Variants in MTMR1 observed in about 807,000 individuals in gnomAD.
MTMR1 encodes myotubularin related protein 1, also known as phosphatidylinositol-3-phosphate phosphatase MTMR1.
Under a neutral mutation model 51.6 loss-of-function variants are expected in MTMR1, and 17 were observed. The ratio of observed to expected loss-of-function variants is 0.33; its 90% confidence interval spans 0.23 to 0.49. The LOEUF (loss-of-function observed/expected upper bound fraction) is 0.49, where lower values mean the gene tolerates loss of function less well. MTMR1 is among the 20% of genes least tolerant of loss of function. The pLI is 0.99. For synonymous variants in MTMR1, 201 were observed against 205.6 expected (o/e 0.98, Z 0.19); for missense variants, 386 against 526.9 (o/e 0.73, Z 2.62).
At chrX:150,720,486 T>C (rs1273283568) in intron 4 of MTMR1, among the ~76,000 whole-genome samples, 3 of 112,419 alleles carry the variant, frequency 2.7e-5, no homozygotes, top group Admixed American at 9.4e-5. Context: ...CTGGATAGAA[T>C]TCCATTATAT....
At chrX:150,729,950 C>T (rs1456893356) in intron 6 of MTMR1, among the ~76,000 whole-genome samples, 159 bp from the exon 7 acceptor site, 1 of 110,630 alleles carries the variant, frequency 9.0e-6, no homozygotes, top group African/African-American at 3.3e-5. Context: ...ACCAGGGAGG[C>T]GGAGGTTGCA....
chrX:150,716,907 G>A (rs2041537497), intron 3 of MTMR1, among the ~76,000 whole-genome samples: 1 of 112,172 alleles, frequency 8.9e-6, no homozygotes, highest in African/African-American at 3.2e-5. Context: ...TGCTGAAAGC[G>A]TAGTATTATT....
intron 11 of MTMR1, 107 bp from the exon 12 acceptor site, chrX:150,737,135 G>A: frequency 1.4e-6 from 1 of 719,070 alleles, no homozygotes; most frequent in East Asian, 3.4e-5. Context: ...TTCTTGCTTG[G>A]TTTATTGACC....
chrX:150,733,562 G>A (rs1309439316), intron 10 of MTMR1, among the ~76,000 whole-genome samples: 1 of 110,392 alleles, frequency 9.1e-6, no homozygotes, highest in Non-Finnish European at 1.9e-5. Context: ...TGAGAGGCAC[G>A]ATGGCAAGTT....
intron 2 of MTMR1, among the ~76,000 whole-genome samples, chrX:150,701,638 C>T (rs1213944547): frequency 8.9e-6 from 1 of 111,776 alleles, no homozygotes; most frequent in African/African-American, 3.3e-5. Flanking sequence ...CTAACACATA[C>T]AGGCTCTGGG....
At chrX:150,738,149 C>T (rs1480693667) in intron 12 of MTMR1, among the ~76,000 whole-genome samples, 1 of 112,191 alleles carries the variant, frequency 8.9e-6, no homozygotes, top group Non-Finnish European at 1.9e-5. Flanking sequence ...CTCACTTCCC[C>T]CAGCCCCTGA....
At chrX:150,713,916 T>TACAC (rs55969414) in intron 3 of MTMR1, among the ~76,000 whole-genome samples, 2,036 of 104,185 alleles carry the variant, frequency 0.02, 41 homozygotes, top group African/African-American at 0.063. Context: ...TATGTGTGTA[T>TACAC]ACACACACAC....
chrX:150,746,782 C>CT (rs1322554463), intron 13 of MTMR1, among the ~76,000 whole-genome samples: 2 of 112,299 alleles, frequency 1.8e-5, no homozygotes, highest in African/African-American at 6.5e-5. Context: ...TCTCACAGCT[C>CT]TAAGATTCTG....
intron 4 of MTMR1, among the ~76,000 whole-genome samples, chrX:150,726,637 C>T (rs1395654141): frequency 8.9e-6 from 1 of 112,133 alleles, no homozygotes; most frequent in Non-Finnish European, 1.9e-5. Flanking sequence ...GATGTGGTAT[C>T]TTTGTGATAG....
In MTMR1 at chrX:150,765,064, C is replaced by G. The variant is rs1569565797; in HGVS notation, c.*2335C>G. On this transcript the variant is annotated 3_prime_UTR_variant, in exon 16 of 16. Coordinates refer to ENST00000445323, the MANE Select transcript of MTMR1 (RefSeq NM_001306144.3). ...ATATATGATGATGTAAAGTAACTAA[C>G]TTTATGTGATTTAATTCATTCAGTA... 1 of 101,831 alleles carries G rather than the reference C, an allele frequency of 9.8e-6. No homozygotes were observed. Among genetic ancestry groups the G allele is most frequent in the Non-Finnish European group, 2.1e-5 (1 of 46,908 alleles). 8.4% of individuals were successfully genotyped at this position (101,831 alleles called of 1,213,427 possible).
At chrX:150,701,262 A>G (rs1470278338) in intron 2 of MTMR1, among the ~76,000 whole-genome samples, 1 of 111,480 alleles carries the variant, frequency 9.0e-6, no homozygotes, top group African/African-American at 3.3e-5. Flanking sequence ...ATAATTGTAC[A>G]TGTTCCCTAT....
At chrX:150,707,734 A>G (rs2041165168) in intron 2 of MTMR1, among the ~76,000 whole-genome samples, 1 of 112,437 alleles carries the variant, frequency 8.9e-6, no homozygotes, top group Non-Finnish European at 1.9e-5. Context: ...TTTGTCCAAG[A>G]GAAATTAAAT....
At chrX:150,712,135 C>T (rs1339990645) in intron 2 of MTMR1, among the ~76,000 whole-genome samples, 2 of 111,896 alleles carry the variant, frequency 1.8e-5, no homozygotes, top group Non-Finnish European at 3.8e-5. Context: ...AAATCATAGA[C>T]TTCCCTGAAA....
intron 3 of MTMR1, 31 bp from the exon 4 acceptor site, chrX:150,718,594 T>G (rs1557416479): frequency 3.7e-6 from 1 of 271,007 alleles, no homozygotes; most frequent in East Asian, 2.7e-4. Flanking sequence ...CTTTTTTTTT[T>G]TTTTTTTTTT....
At chrX:150,727,048 G>A (rs942013526) in intron 4 of MTMR1, 167 bp from the exon 5 acceptor site, 4 of 307,332 alleles carry the variant, frequency 1.3e-5, no homozygotes, top group Non-Finnish European at 2.3e-5. Flanking sequence ...AAATTTATTA[G>A]AAGACTATGC....
At chrX:150,712,772 C>A in intron 3 of MTMR1, 1 of 206,437 alleles carries the variant, frequency 4.8e-6, no homozygotes, top group Non-Finnish European at 9.0e-6. Flanking sequence ...GCTGTCCTAT[C>A]TAAGTAAGAT....
At chrX:150,729,236 A>ACG (rs1227040956) in intron 6 of MTMR1, among the ~76,000 whole-genome samples, 1 of 110,176 alleles carries the variant, frequency 9.1e-6, no homozygotes, top group Non-Finnish European at 1.9e-5. Flanking sequence ...ACACACACAC[A>ACG]CACACACACA....
chrX:150,764,834 G>T lies in MTMR1; in HGVS notation c.*2105G>T, dbSNP rs2043248782. 1 of 112,573 alleles carries T rather than the reference G, an allele frequency of 8.9e-6. No homozygotes were observed. 9.3% of individuals were successfully genotyped at this position (112,573 alleles called of 1,213,427 possible). On this transcript the variant is annotated 3_prime_UTR_variant, in exon 16 of 16. Coordinates refer to ENST00000445323, the MANE Select transcript of MTMR1 (RefSeq NM_001306144.3). Reference sequence around the variant, plus strand: ...TGTACTAGAATGCGAAGCCGTTATGGTTCAGGTTTTTAAAAACTGGTACAG... The same window carrying T: ...TGTACTAGAATGCGAAGCCGTTATGTTTCAGGTTTTTAAAAACTGGTACAG...
At position 150,737,278 on chromosome X, in the gene MTMR1, A is replaced by G; in HGVS notation, c.1303A>G (p.Ile435Val). 5.8e-6 allele frequency: 7 copies of G among 1,211,961 alleles called. No homozygotes were observed. Among genetic ancestry groups the G allele is most frequent in the Non-Finnish European group, 7.8e-6 (7 of 895,583 alleles). The change falls in exon 12 of 16, where the codon ATA (isoleucine) becomes GTA (valine). Residue 435 changes from isoleucine (I) to valine (V), a missense_variant. By Grantham distance (29) the Ile-to-Val change is conservative. Coordinates refer to ENST00000445323, the MANE Select transcript of MTMR1 (RefSeq NM_001306144.3). The part of the protein sequence containing the change: ...LAGAVRIADK[I>V]ESGKTSVVVH... ...TGGGGCAGTAAGAATTGCTGATAAA[A>G]TAGAATCTGGGAAAACATCTGTGGT...
Sources: gnomAD v4.1 joint callset for allele counts (sites outside exome capture counted in the v4.1 genomes callset) on GRCh38, gnomAD v4.1.1 for gene constraint, MANE v1.5 for transcripts, NCBI Gene and HGNC (gene_info 2026-07-23, HGNC 2026-07-21) for gene names.